The following UBR1 variants were observed in gnomAD, a reference collection of about 807,000 sequenced individuals.
UBR1 encodes the protein ubiquitin protein ligase E3 component n-recognin 1.
Under a neutral mutation model 242.1 loss-of-function variants are expected in UBR1, and 102 were observed. That is an observed-to-expected ratio of 0.42 (90% CI 0.36 to 0.50). The LOEUF (loss-of-function observed/expected upper bound fraction) is 0.50, where lower values mean the gene tolerates loss of function less well. Ranked by LOEUF, UBR1 falls within the 20% of genes least tolerant of loss-of-function variation. UBR1 has a pLI of 0.01. For missense variants in UBR1, 1,772 were observed against 2,101.8 expected, an observed-to-expected ratio of 0.84 and a Z score of 3.07; for synonymous variants, 675 against 684.8, an observed-to-expected ratio of 0.99 and a Z score of 0.22.
At chr15:42,951,670 C>T (rs2031836181) in intron 45 of UBR1, among the ~76,000 whole-genome samples, 1 of 151,968 alleles carries the variant, frequency 6.6e-6, no homozygotes, top group South Asian at 2.1e-4. Flanking sequence ...ACTCTGTTGC[C>T]CAGGCTAGAA....
At chr15:42,983,431 G>C (rs979390743) in intron 37 of UBR1, among the ~76,000 whole-genome samples, 14 of 151,842 alleles carry the variant, frequency 9.2e-5, no homozygotes, top group African/African-American at 3.1e-4. Flanking sequence ...GTGGAGGCAG[G>C]CGAATCACCA....
At chr15:43,040,399 G>A (rs926401221) in intron 15 of UBR1, among the ~76,000 whole-genome samples, 2 of 152,202 alleles carry the variant, frequency 1.3e-5, no homozygotes, top group African/African-American at 2.4e-5. Context: ...CTAGCCATAT[G>A]TAGAAAGTTG....
At chr15:43,035,184 C>T (rs1205742626) in intron 19 of UBR1, among the ~76,000 whole-genome samples, 2 of 152,136 alleles carry the variant, frequency 1.3e-5, no homozygotes, top group African/African-American at 4.8e-5. Flanking sequence ...GATTACAAAA[C>T]AGCACATTCA....
chr15:43,081,613 A>G (rs957563711), intron 3 of UBR1, among the ~76,000 whole-genome samples: 5 of 152,090 alleles, frequency 3.3e-5, no homozygotes, highest in Non-Finnish European at 5.9e-5. Context: ...ATTTGTATAT[A>G]TTCTTGATGA....
chr15:43,095,527 A>G (rs961217333), intron 1 of UBR1, among the ~76,000 whole-genome samples: 4 of 150,854 alleles, frequency 2.7e-5, no homozygotes, highest in Non-Finnish European at 4.4e-5. Context: ...GATTAGAATT[A>G]GAGTGTGACA....
chr15:43,091,943 A>T, intron 1 of UBR1: 1 of 394,638 alleles, frequency 2.5e-6, no homozygotes, highest in Non-Finnish European at 4.8e-6. Context: ...AAAATTAGCC[A>T]GATGCGGTGG....
chr15:42,981,188 C>T (rs2032372583), intron 37 of UBR1, among the ~76,000 whole-genome samples: 1 of 152,044 alleles, frequency 6.6e-6, no homozygotes, highest in Admixed American at 6.6e-5. Context: ...ATTCCGATTA[C>T]CTAAAGAATA....
chr15:43,031,783 G>A (rs971355689), intron 20 of UBR1, among the ~76,000 whole-genome samples: 1 of 152,194 alleles, frequency 6.6e-6, no homozygotes, highest in African/African-American at 2.4e-5. Context: ...AGCACTTTGG[G>A]AGGCCAAGGC....
intron 45 of UBR1, among the ~76,000 whole-genome samples, chr15:42,951,868 TC>T: frequency 6.6e-6 from 1 of 152,314 alleles, no homozygotes; most frequent in Middle Eastern, 3.4e-3. Context: ...TGCCTCAGCC[TC>T]CCAAAGTGCT....
At position 42,943,196 on chromosome 15, in the gene UBR1, A is replaced by C. The variant is rs1273859961; in HGVS notation, c.*2133T>G. The C allele has an allele frequency of 6.6e-6, 1 of 152,606 alleles. No individual in the cohort carries two copies. Among genetic ancestry groups the C allele is most frequent in the African/African-American group, 2.4e-5 (1 of 41,454 alleles). The allele number at this position is 152,606 out of a possible 1,614,324, so 9.5% of individuals were successfully genotyped here. A position where few individuals can be genotyped will look rare whatever the true frequency, so the allele number is the denominator to read the frequency against. On this transcript the variant is annotated 3_prime_UTR_variant, in exon 47 of 47. Coordinates refer to ENST00000290650, the MANE Select transcript of UBR1 (RefSeq NM_174916.3). Reference sequence around the variant, plus strand: ...ATACAGATATATTTTTCTTCACCATATCATTAAAATTCTCACTAGCCCCTT... The same window carrying C: ...ATACAGATATATTTTTCTTCACCATCTCATTAAAATTCTCACTAGCCCCTT...
chr15:43,101,968 CA>C (rs55875692), intron 1 of UBR1, among the ~76,000 whole-genome samples: 12,264 of 59,286 alleles, frequency 0.21, 767 homozygotes, highest in South Asian at 0.32. Flanking sequence ...CCTTGGCTCA[CA>C]AAAAAAAAAA....
At chr15:43,026,995 T>A (rs185202748) in intron 22 of UBR1, among the ~76,000 whole-genome samples, 265 of 152,220 alleles carry the variant, frequency 1.7e-3, no homozygotes, top group Admixed American at 3.7e-3. Context: ...TCTGTTCAAC[T>A]AAAGAACACT....
chr15:43,047,151 T>G lies in UBR1; in HGVS notation c.1668+10A>C. ...AAAAGGCACTGATCCTACTAACAAA[T>G]TTTACTTACATCACAAGCACACCAC... On this transcript the variant is annotated intron_variant, in intron 14 of 46. Coordinates refer to ENST00000290650, the MANE Select transcript of UBR1 (RefSeq NM_174916.3). 6.2e-7 allele frequency: 1 copy of G among 1,614,014 alleles called. No individual in the cohort carries two copies. The highest frequency in any genetic ancestry group is 1.3e-5 in the African/African-American group (1 of 75,032).
At chr15:43,004,454 A>G (rs894823458) in intron 30 of UBR1, among the ~76,000 whole-genome samples, 9 of 152,028 alleles carry the variant, frequency 5.9e-5, no homozygotes, top group Non-Finnish European at 2.9e-5. Flanking sequence ...TACTGCCGCC[A>G]TCTCGGCTCA....
At chr15:43,068,884 A>ATGT (rs2141345290) in intron 5 of UBR1, among the ~76,000 whole-genome samples, 1 of 152,230 alleles carries the variant, frequency 6.6e-6, no homozygotes, top group African/African-American at 2.4e-5. Flanking sequence ...GCCTGACTGT[A>ATGT]TGTTTTTAAT....
At chr15:43,081,435 A>G (rs991660413) in intron 3 of UBR1, among the ~76,000 whole-genome samples, 193 of 151,752 alleles carry the variant, frequency 1.3e-3, no homozygotes, top group African/African-American at 4.5e-3. Flanking sequence ...AAAAAAAAAA[A>G]AAAAAAGAAA....
intron 42 of UBR1, among the ~76,000 whole-genome samples, chr15:42,961,423 C>CTT (rs766721149): frequency 1.7e-4 from 22 of 131,898 alleles, no homozygotes; most frequent in African/African-American, 3.6e-4. Context: ...CTATGTTCCT[C>CTT]TTTTTTTTTT....
chr15:43,087,775 C>T (rs898202271), intron 1 of UBR1, among the ~76,000 whole-genome samples: 5 of 151,840 alleles, frequency 3.3e-5, no homozygotes. Flanking sequence ...TATTTTTAAT[C>T]GTCAAAGACT....
intron 37 of UBR1, among the ~76,000 whole-genome samples, chr15:42,982,935 A>G (rs182396052): frequency 6.6e-6 from 1 of 152,322 alleles, no homozygotes. Flanking sequence ...GGTGCAGAGG[A>G]GCTTATAGTA....
Sources: gnomAD v4.1 joint callset for allele counts (sites outside exome capture counted in the v4.1 genomes callset) on GRCh38, gnomAD v4.1.1 for gene constraint, MANE v1.5 for transcripts, NCBI Gene and HGNC (gene_info 2026-07-23, HGNC 2026-07-21) for gene names.